NTNG1: variants seen among roughly 807,000 people sequenced by gnomAD.
NTNG1 encodes netrin-G1.
NTNG1 carries 16 observed loss-of-function variants against 54.0 expected under a neutral mutation model. The ratio of observed to expected loss-of-function variants is 0.30; its 90% confidence interval spans 0.20 to 0.45. The LOEUF (loss-of-function observed/expected upper bound fraction) is 0.45. NTNG1 is among the 20% of genes least tolerant of loss of function. The pLI is 1.00. For missense variants in NTNG1, 530 were observed against 678.7 expected, an observed-to-expected ratio of 0.78 and a Z score of 2.43; for synonymous variants, 255 against 263.1, an observed-to-expected ratio of 0.97 and a Z score of 0.30.
chr1:107,431,169 A>C (rs1675239472), intron 6 of NTNG1, among the ~76,000 whole-genome samples: 1 of 152,174 alleles, frequency 6.6e-6, no homozygotes, highest in Non-Finnish European at 1.5e-5. Flanking sequence ...AAAGAAATTA[A>C]GAATTTTCTT....
intron 2 of NTNG1, among the ~76,000 whole-genome samples, chr1:107,201,647 C>T (rs1447430564): frequency 6.6e-6 from 1 of 151,902 alleles, no homozygotes; most frequent in Non-Finnish European, 1.5e-5. Context: ...GCATATTTCA[C>T]ATGTCAATTT....
intron 2 of NTNG1, among the ~76,000 whole-genome samples, chr1:107,175,812 T>C (rs1406862731): frequency 6.6e-6 from 1 of 152,162 alleles, no homozygotes; most frequent in Non-Finnish European, 1.5e-5. Context: ...AAATTCCAGA[T>C]TCATTTAACA....
intron 2 of NTNG1, among the ~76,000 whole-genome samples, chr1:107,159,468 T>A (rs1286151400): frequency 6.6e-6 from 1 of 152,194 alleles, no homozygotes; most frequent in East Asian, 1.9e-4. Flanking sequence ...TGTCATGCAC[T>A]GTACTGAAAG....
intron 2 of NTNG1, among the ~76,000 whole-genome samples, chr1:107,243,779 T>A (rs928094462): frequency 6.6e-6 from 1 of 152,156 alleles, no homozygotes; most frequent in African/African-American, 2.4e-5. Context: ...AGTTTTCGTT[T>A]TTTTTTTCAA....
At chr1:107,337,135 G>A (rs547548512) in intron 3 of NTNG1, among the ~76,000 whole-genome samples, 15 of 152,012 alleles carry the variant, frequency 9.9e-5, no homozygotes, top group African/African-American at 3.1e-4. Flanking sequence ...AAGTTAAAGC[G>A]GAAGCTTGAA....
At chr1:107,452,962 G>A (rs1676711551) in intron 7 of NTNG1, among the ~76,000 whole-genome samples, 1 of 152,048 alleles carries the variant, frequency 6.6e-6, no homozygotes, top group Non-Finnish European at 1.5e-5. Flanking sequence ...TCATTCCTTG[G>A]CCCTAAGGAG....
intron 4 of NTNG1, among the ~76,000 whole-genome samples, chr1:107,395,654 G>T (rs1251205168): frequency 6.6e-6 from 1 of 152,102 alleles, no homozygotes; most frequent in Non-Finnish European, 1.5e-5. Context: ...CAAAGGCCTT[G>T]TAAACTCTCA....
intron 2 of NTNG1, among the ~76,000 whole-genome samples, chr1:107,286,279 T>A (rs1271969829): frequency 6.6e-6 from 1 of 152,160 alleles, no homozygotes; most frequent in Non-Finnish European, 1.5e-5. Context: ...ACTTGCTAAA[T>A]GAGTAAGATC....
At chr1:107,429,776 A>ACAGAGAC (rs1351180594) in intron 5 of NTNG1, among the ~76,000 whole-genome samples, 1 of 152,152 alleles carries the variant, frequency 6.6e-6, no homozygotes, top group African/African-American at 2.4e-5. Context: ...ATTTCTACCA[A>ACAGAGAC]CAGAGACTTT....
chr1:107,167,705 G>A lies in NTNG1; in HGVS notation c.246+18866G>A, dbSNP rs570468636. ...ATTTTTATTGAGTATATTTCATCAG[G>A]CACTGTCTTAAATGCCTAACATGTA... is the stretch of plus-strand genomic sequence containing the variant. On this transcript the variant is annotated intron_variant, in intron 2 of 7. Transcript: ENST00000370068. Among the ~76,000 whole-genome samples the A allele has an allele frequency of 2.0e-4, 30 of 152,010 alleles. No individual in the cohort carries two copies. In the South Asian group the frequency reaches 5.8e-3, roughly 29 times the overall value.
intron 3 of NTNG1, among the ~76,000 whole-genome samples, chr1:107,378,037 A>G (rs1671409375): frequency 1.3e-5 from 2 of 152,278 alleles, no homozygotes; most frequent in Admixed American, 1.3e-4. Context: ...TTTCATTAAC[A>G]CTAAAGTACA....
chr1:107,424,814 A>C (rs1046165212), intron 5 of NTNG1, among the ~76,000 whole-genome samples: 4 of 152,112 alleles, frequency 2.6e-5, no homozygotes, highest in African/African-American at 9.7e-5. Flanking sequence ...CTCACTAATT[A>C]ATTGGGGAGT....
At chr1:107,450,194 C>T (rs1457400481) in intron 7 of NTNG1, among the ~76,000 whole-genome samples, 1 of 152,006 alleles carries the variant, frequency 6.6e-6, no homozygotes, top group Non-Finnish European at 1.5e-5. Flanking sequence ...GATAATGAAA[C>T]CAAATGTAAT....
At chr1:107,149,551 A>G (rs772021226) in intron 2 of NTNG1, among the ~76,000 whole-genome samples, 38 of 152,192 alleles carry the variant, frequency 2.5e-4, no homozygotes, top group Non-Finnish European at 5.0e-4. Flanking sequence ...TTGATGAGCA[A>G]AGTTACAGAA....
At chr1:107,219,290 A>G (rs1364414417) in intron 2 of NTNG1, among the ~76,000 whole-genome samples, 2 of 151,936 alleles carry the variant, frequency 1.3e-5, no homozygotes, top group African/African-American at 4.8e-5. Context: ...TATCCTCTCT[A>G]TCTCACTGGA....
intron 2 of NTNG1, among the ~76,000 whole-genome samples, chr1:107,314,711 G>T (rs1289047954): frequency 6.6e-6 from 1 of 152,156 alleles, no homozygotes; most frequent in African/African-American, 2.4e-5. Context: ...TTTACTTGAA[G>T]ATCTCAATGT....
Position 107,430,801 on chromosome 1 carries a change from A to G in NTNG1, c.1139A>G (p.Asn380Ser). ...SNRCSYIDLL[N>S]TVICVSCKHN... ...CGATGCAGTTATATCGATCTGCTAA[A>G]TACAGTCATTTGCGTGAGCTGTAAA... is the stretch of plus-strand genomic sequence containing the variant. Residue 380 changes from asparagine to serine, a missense_variant, in exon 6 of 8, where the codon AAT (asparagine) becomes AGT (serine). By Grantham distance (46) the Asn-to-Ser change is conservative. Transcript: ENST00000370068. 1 of 1,613,318 alleles carries G rather than the reference A, an allele frequency of 6.2e-7. No homozygotes were observed. The highest frequency in any genetic ancestry group is 8.5e-7 in the Non-Finnish European group (1 of 1,179,632).
intron 2 of NTNG1, among the ~76,000 whole-genome samples, chr1:107,185,574 A>T (rs1308745604): frequency 3.9e-5 from 6 of 152,206 alleles, no homozygotes; most frequent in African/African-American, 1.4e-4. Context: ...TTTCTAAAGA[A>T]GGTCACTTTC....
intron 2 of NTNG1, among the ~76,000 whole-genome samples, chr1:107,202,351 T>G (rs759021476): frequency 6.6e-6 from 1 of 151,860 alleles, no homozygotes; most frequent in Non-Finnish European, 1.5e-5. Flanking sequence ...TTGGTTATAA[T>G]AGTATCTACC....
Sources: allele counts gnomAD v4.1 joint callset (sites outside exome capture counted in the v4.1 genomes callset), GRCh38; gene constraint gnomAD v4.1.1; transcripts MANE v1.5; gene names NCBI Gene and HGNC (gene_info 2026-07-23, HGNC 2026-07-21).